Variants in PDE11A observed in about 807,000 individuals in gnomAD.
PDE11A encodes phosphodiesterase 11A.
Under a neutral mutation model 100.5 loss-of-function variants are expected in PDE11A, and 100 were observed. That is an observed-to-expected ratio of 1.00 (90% CI 0.85 to 1.18). The LOEUF (loss-of-function observed/expected upper bound fraction) is 1.18. Ranked by LOEUF, PDE11A falls within the 50% of genes most tolerant of loss-of-function variation. The probability of loss-of-function intolerance (pLI) is 0.00; values close to 1 mark genes in which losing one functional copy is unlikely to be tolerated. For synonymous variants in PDE11A, 381 were observed against 420.8 expected (o/e 0.91, Z 1.16); for missense variants, 1,141 against 1,152.6 (o/e 0.99, Z 0.15).
At chr2:177,705,604 G>A (rs751587231) in intron 13 of PDE11A, among the ~76,000 whole-genome samples, 12 of 152,172 alleles carry the variant, frequency 7.9e-5, no homozygotes, top group Non-Finnish European at 1.5e-4. Context: ...CCAAAAATGT[G>A]TGCAAATGTA....
At chr2:177,942,388 C>T (rs1429941048) in intron 2 of PDE11A, among the ~76,000 whole-genome samples, 1 of 144,164 alleles carries the variant, frequency 6.9e-6, no homozygotes, top group Non-Finnish European at 1.5e-5. Context: ...TCCATTGAAA[C>T]CATTATTTTT....
chr2:177,679,266 T>C (rs887507865), intron 16 of PDE11A, among the ~76,000 whole-genome samples: 1 of 152,098 alleles, frequency 6.6e-6, no homozygotes, highest in African/African-American at 2.4e-5. Flanking sequence ...TATCTGTATT[T>C]TGGAATACTG....
At chr2:177,718,846 T>C (rs1486709796) in intron 12 of PDE11A, among the ~76,000 whole-genome samples, 1 of 152,228 alleles carries the variant, frequency 6.6e-6, no homozygotes, top group Non-Finnish European at 1.5e-5. Context: ...TTCATCAAAC[T>C]GTCCCAGCTT....
At chr2:178,018,986 A>G (rs1205779053) in intron 1 of PDE11A, among the ~76,000 whole-genome samples, 3 of 152,250 alleles carry the variant, frequency 2.0e-5, no homozygotes, top group Admixed American at 6.5e-5. Flanking sequence ...GAGCTTTTGC[A>G]TCTTCATTTA....
intron 2 of PDE11A, among the ~76,000 whole-genome samples, chr2:177,941,272 A>G (rs2085342898): frequency 6.6e-6 from 1 of 152,206 alleles, no homozygotes; most frequent in Admixed American, 6.5e-5. Flanking sequence ...TAAGTGTAGA[A>G]GCTGAGATTC....
intron 2 of PDE11A, among the ~76,000 whole-genome samples, chr2:178,094,915 C>A (rs2087469276): frequency 1.3e-5 from 2 of 152,178 alleles, no homozygotes; most frequent in African/African-American, 4.8e-5. Context: ...ATCATGAGAA[C>A]AGCATGGGGG....
intron 5 of PDE11A, among the ~76,000 whole-genome samples, chr2:177,852,083 T>G (rs966750719): frequency 1.3e-5 from 2 of 152,268 alleles, no homozygotes; most frequent in South Asian, 4.1e-4. Flanking sequence ...CTAAGTACTT[T>G]CTGGGGACTT....
At chr2:177,747,723 G>A (rs915401293) in intron 10 of PDE11A, among the ~76,000 whole-genome samples, 3 of 152,032 alleles carry the variant, frequency 2.0e-5, no homozygotes, top group African/African-American at 7.3e-5. Context: ...GCCTTTTATC[G>A]TATTGCCTGT....
At chr2:177,920,904 T>C (rs2085031502) in intron 2 of PDE11A, among the ~76,000 whole-genome samples, 1 of 151,760 alleles carries the variant, frequency 6.6e-6, no homozygotes, top group Non-Finnish European at 1.5e-5. Context: ...CTACTAAAAA[T>C]ACAAAAAATT....
intron 9 of PDE11A, among the ~76,000 whole-genome samples, chr2:177,795,386 T>TTG (rs2082691533): frequency 6.6e-6 from 1 of 152,172 alleles, no homozygotes; most frequent in African/African-American, 2.4e-5. Flanking sequence ...CCTGAGCCAA[T>TTG]GTTCTGATTG....
At chr2:177,895,100 A>G (rs1032376072) in intron 4 of PDE11A, among the ~76,000 whole-genome samples, 2 of 151,956 alleles carry the variant, frequency 1.3e-5, no homozygotes, top group Non-Finnish European at 2.9e-5. Flanking sequence ...AAACTTGCAC[A>G]TGTATACTTG....
intron 2 of PDE11A, among the ~76,000 whole-genome samples, chr2:178,095,319 C>A (rs1182509928): frequency 2.0e-5 from 3 of 152,194 alleles, no homozygotes; most frequent in Non-Finnish European, 4.4e-5. Flanking sequence ...GCTACAGGCC[C>A]CGTGCAAGTC....
At chr2:177,917,671 A>C (rs759294770) in intron 2 of PDE11A, among the ~76,000 whole-genome samples, 1 of 152,240 alleles carries the variant, frequency 6.6e-6, no homozygotes, top group Non-Finnish European at 1.5e-5. Context: ...ACTGTGGCTT[A>C]GCATTTTACA....
intron 2 of PDE11A, among the ~76,000 whole-genome samples, chr2:177,934,642 C>T (rs1331676357): frequency 6.6e-6 from 1 of 152,138 alleles, no homozygotes; most frequent in Non-Finnish European, 1.5e-5. Context: ...TGGGTATATA[C>T]CCAAAAGAAA....
intron 9 of PDE11A, among the ~76,000 whole-genome samples, chr2:177,791,443 C>T (rs1256817481): frequency 1.3e-5 from 2 of 148,574 alleles, no homozygotes; most frequent in African/African-American, 5.0e-5. Context: ...TGTTAAATGA[C>T]GAGTTAATGG....
rs567621311 is a variant in PDE11A, at chr2:177,737,420, T to TACACACACAC, written c.1789-9258_1789-9249dup. 6.3e-3 allele frequency among the ~76,000 whole-genome samples: 700 copies of TACACACACAC among 110,484 alleles called. 71 individuals carry two copies. Among genetic ancestry groups the TACACACACAC allele is most frequent in the Middle Eastern group, 9.1e-3 (2 of 220 alleles). 72.5% of individuals were successfully genotyped at this position (110,484 alleles called of 152,430 possible). On this transcript the variant is annotated intron_variant, in intron 10 of 19. Transcript: ENST00000286063. Reference sequence around the variant, plus strand: ...AGTGAAACCCCGTCTCTACTAAAAATACACACACACATACACACACACACA... The same window carrying TACACACACAC: ...AGTGAAACCCCGTCTCTACTAAAAATACACACACACACACACACACATACACACACACACA...
chr2:177,880,191 C>A (rs1013179765), intron 4 of PDE11A, among the ~76,000 whole-genome samples: 1 of 152,144 alleles, frequency 6.6e-6, no homozygotes, highest in Non-Finnish European at 1.5e-5. Context: ...ATCTCTAAAC[C>A]CTTGTAATGC....
At chr2:178,062,095 A>T (rs562825353) in intron 1 of PDE11A, among the ~76,000 whole-genome samples, 10 of 152,216 alleles carry the variant, frequency 6.6e-5, no homozygotes, top group African/African-American at 1.4e-4. Flanking sequence ...CATTCATTTT[A>T]AAAATGAATG....
rs544483527 is a variant in PDE11A, at chr2:177,861,104, G to A, written c.1367+14755C>T. 7.2e-5 allele frequency among the ~76,000 whole-genome samples: 11 copies of A among 151,824 alleles called. No homozygotes were observed. In the South Asian group the frequency reaches 1.0e-3, roughly 14 times the overall value. ...GTTCTAGACATGCAATCAGGCAAGA[G>A]AAAGAAATAAAAAGGCATTCAGACT... On this transcript the variant is annotated intron_variant, in intron 5 of 19. Coordinates refer to ENST00000286063, the MANE Select transcript of PDE11A (RefSeq NM_016953.4).
Sources: allele counts gnomAD v4.1 joint callset (sites outside exome capture counted in the v4.1 genomes callset), GRCh38; gene constraint gnomAD v4.1.1; transcripts MANE v1.5; gene names NCBI Gene and HGNC (gene_info 2026-07-23, HGNC 2026-07-21).